Variants in ZDHHC5 observed in about 807,000 individuals in gnomAD.
ZDHHC5 encodes the protein palmitoyltransferase ZDHHC5.
A neutral mutation model predicts 70.0 loss-of-function variants in ZDHHC5; 22 were observed. The ratio of observed to expected loss-of-function variants is 0.31; its 90% confidence interval spans 0.22 to 0.45. The LOEUF (loss-of-function observed/expected upper bound fraction) is 0.45. ZDHHC5 is among the 20% of genes least tolerant of loss of function. ZDHHC5 has a pLI of 1.00. For missense variants in ZDHHC5, 746 were observed against 926.9 expected, an observed-to-expected ratio of 0.80 and a Z score of 2.53; for synonymous variants, 313 against 347.8, an observed-to-expected ratio of 0.90 and a Z score of 1.11.
intron 2 of ZDHHC5, among the ~76,000 whole-genome samples, chr11:57,677,899 A>G (rs899137049): frequency 6.6e-6 from 1 of 152,216 alleles, no homozygotes; most frequent in African/African-American, 2.4e-5. Context: ...CCCAGGTCCT[A>G]CGTCTCACAT....
In ZDHHC5 at chr11:57,699,172, A is replaced by G. The variant is rs766088842; in HGVS notation, c.1736A>G (p.His579Arg). The change falls in exon 11 of 12, where the codon CAT becomes CGT. Residue 579 changes from histidine to arginine, a missense_variant. Coordinates refer to ENST00000287169, the MANE Select transcript of ZDHHC5 (RefSeq NM_015457.3). ...SGIQSTPGSG[H>R]APRTSSSSDD... ...ATTCAGTCAACACCAGGCTCGGGCC[A>G]TGCCCCTCGTACTAGTTCCTCCTCA... 4 of 1,614,252 alleles carry G rather than the reference A, an allele frequency of 2.5e-6. No individual in the cohort carries two copies. The highest frequency in any genetic ancestry group is 2.2e-5 in the East Asian group (1 of 44,888).
At chr11:57,685,984 G>A (rs142868322) in intron 3 of ZDHHC5, among the ~76,000 whole-genome samples, 7 of 152,334 alleles carry the variant, frequency 4.6e-5, no homozygotes, top group South Asian at 4.1e-4. Context: ...CTGAGATTGC[G>A]CCACTGCACT....
chr11:57,669,796 T>G (rs1000218276), intron 1 of ZDHHC5, among the ~76,000 whole-genome samples: 1 of 152,260 alleles, frequency 6.6e-6, no homozygotes, highest in Non-Finnish European at 1.5e-5. Context: ...GATACTAGTA[T>G]GGATTCAAAC....
At chr11:57,670,605 G>A (rs531646342) in intron 1 of ZDHHC5, among the ~76,000 whole-genome samples, 69 of 152,176 alleles carry the variant, frequency 4.5e-4, no homozygotes, top group Non-Finnish European at 8.7e-4. Context: ...TTAAATCAGG[G>A]ACTAGAGAGG....
rs779516734 is a variant in ZDHHC5, at chr11:57,699,103, C to T, written c.1667C>T (p.Pro556Leu). 13 of 1,613,906 alleles carry T rather than the reference C, an allele frequency of 8.1e-6. No homozygotes were observed. Among genetic ancestry groups the T allele is most frequent in the Middle Eastern group, 1.7e-4 (1 of 6,060 alleles). Residue 556 changes from proline to leucine, a missense_variant, in exon 11 of 12, where the codon CCA becomes CTA. Around this residue, in one of 6 missense-constraint regions of ZDHHC5, gnomAD observed 340 missense variants for 350.1 expected, o/e 0.97. Coordinates refer to ENST00000287169, the MANE Select transcript of ZDHHC5 (RefSeq NM_015457.3). ...EREKLLRQSP[P>L]LPGREEEPGL... ...GAGAAGTTGCTGCGCCAGTCACCCC[C>T]ACTCCCGGGCCGTGAGGAAGAACCA...
chr11:57,673,248 G>A, intron 2 of ZDHHC5, 54 bp downstream of exon 2: 1 of 1,565,630 alleles, frequency 6.4e-7, no homozygotes, highest in African/African-American at 1.4e-5. Context: ...CATGGGAAGT[G>A]AGGAGATAAC....
intron 10 of ZDHHC5, among the ~76,000 whole-genome samples, chr11:57,697,379 C>T (rs570964406): frequency 6.6e-6 from 1 of 152,160 alleles, no homozygotes; most frequent in East Asian, 1.9e-4. Flanking sequence ...AGGAGAATGG[C>T]GTGAACCCAG....
At position 57,684,783 on chromosome 11, in the gene ZDHHC5, T is replaced by C. The variant is rs545143922; in HGVS notation, c.226+2240T>C. Among the ~76,000 whole-genome samples the C allele has an allele frequency of 5.9e-5, 9 of 152,266 alleles. No homozygotes were observed. The South Asian group carries it at 1.9e-3, about 32-fold the overall frequency. On this transcript the variant is annotated intron_variant, in intron 3 of 11. Coordinates refer to ENST00000287169, the MANE Select transcript of ZDHHC5 (RefSeq NM_015457.3). The stretch of plus-strand genomic sequence containing the variant: ...GATGACATGTAGTTTTCCTCTCAAA[T>C]GTGAGGTTATTTTGCAAGAGTGAGA...
chr11:57,670,444 T>C (rs1281209757), intron 1 of ZDHHC5, among the ~76,000 whole-genome samples: 1 of 150,842 alleles, frequency 6.6e-6, no homozygotes, highest in Non-Finnish European at 1.5e-5. Context: ...CACTTCAGCC[T>C]GGGTGACAGA....
intron 8 of ZDHHC5, among the ~76,000 whole-genome samples, chr11:57,694,279 A>C (rs1946322352): frequency 6.6e-6 from 1 of 152,128 alleles, no homozygotes; most frequent in Non-Finnish European, 1.5e-5. Context: ...AGCATGAGCC[A>C]CCACGCCTGG....
rs1021292459 is a variant in ZDHHC5 at position 57,668,176 on chromosome 11, C to G, written c.-1082C>G. 2.7e-6 allele frequency: 1 copy of G among 366,882 alleles called. No individual in the cohort carries two copies. Among genetic ancestry groups the G allele is most frequent in the Non-Finnish European group, 4.9e-6 (1 of 205,956 alleles). The allele number at this position is 366,882 out of a possible 1,614,324, so 22.7% of individuals were successfully genotyped here. A position where few individuals can be genotyped will look rare whatever the true frequency, so the allele number is the denominator to read the frequency against. ...ACAACGACGGCGGTGGTGACGGGCA[C>G]CGGGCTCGCGGGTGAGTGCGGAGGA... On this transcript the variant is annotated 5_prime_UTR_variant, in exon 1 of 12. Coordinates refer to ENST00000287169, the MANE Select transcript of ZDHHC5 (RefSeq NM_015457.3).
chr11:57,697,600 G>A (rs1394298124), intron 10 of ZDHHC5, among the ~76,000 whole-genome samples: 3 of 142,886 alleles, frequency 2.1e-5, no homozygotes, highest in Admixed American at 7.1e-5. Flanking sequence ...TCGAGATTGC[G>A]CCACTGCACT....
intron 4 of ZDHHC5, 83 bp downstream of exon 4, chr11:57,688,748 A>G: frequency 6.9e-7 from 1 of 1,454,194 alleles, no homozygotes; most frequent in Non-Finnish European, 9.1e-7. Flanking sequence ...TTAGCTTTGG[A>G]TGTGGTATAG....
At chr11:57,697,680 A>G (rs936839793) in intron 10 of ZDHHC5, among the ~76,000 whole-genome samples, 1 of 150,574 alleles carries the variant, frequency 6.6e-6, no homozygotes, top group Non-Finnish European at 1.5e-5. Context: ...AGTGGTATGC[A>G]TCTGTAGTCC....
chr11:57,699,936 C>T lies in ZDHHC5; in HGVS notation c.2053C>T (p.Pro685Ser), dbSNP rs754065745. ...GCCCAAGAGCTTAGGCTCAGCCTCC[C>T]CTGGCCCAGGCCAGCCACCTCTCAG... ...GQPKSLGSASPGPGQPPLSSP... is the reference protein window; with the variant it reads ...GQPKSLGSASSGPGQPPLSSP... Residue 685 changes from proline (P) to serine (S), a missense_variant, in exon 12 of 12, where the codon CCT becomes TCT. Physicochemically the swap from Pro to Ser is moderately conservative, Grantham distance 74 (BLOSUM62 -1). This residue lies in a region of ZDHHC5 where 340 missense variants were observed against 350.1 expected (regional missense o/e 0.97). Transcript: ENST00000287169. The T allele has an allele frequency of 3.7e-6, 6 of 1,614,246 alleles. No homozygotes were observed. In the East Asian group the frequency reaches 1.1e-4, roughly 30 times the overall value.
At chr11:57,693,598 C>G (rs1281880707) in intron 7 of ZDHHC5, among the ~76,000 whole-genome samples, 185 bp from the exon 8 acceptor site, 1 of 152,222 alleles carries the variant, frequency 6.6e-6, no homozygotes, top group East Asian at 1.9e-4. Flanking sequence ...CTCACAAAGG[C>G]CTAGTCCTGC....
chr11:57,698,638 G>A lies in ZDHHC5; in HGVS notation c.1202G>A (p.Ser401Asn), dbSNP rs754153794. 3 of 1,614,032 alleles carry A rather than the reference G, an allele frequency of 1.9e-6. No homozygotes were observed. In the African/African-American group the frequency reaches 4.0e-5, roughly 22 times the overall value. The stretch of plus-strand genomic sequence containing the variant: ...CACCCCAGCTACCGCTCAGAGCCCA[G>A]CTTGGAACCAGAGAGCTTCCGTTCT... ...SRHPSYRSEPSLEPESFRSPT... is the reference protein window; with the variant it reads ...SRHPSYRSEPNLEPESFRSPT... Residue 401 changes from serine (S) to asparagine (N), a missense_variant, in exon 11 of 12, where the codon AGC becomes AAC. Physicochemically the swap from Ser to Asn is conservative, Grantham distance 46. Coordinates refer to ENST00000287169, the MANE Select transcript of ZDHHC5 (RefSeq NM_015457.3).
rs550260532 is a variant in ZDHHC5 at position 57,673,978 on chromosome 11, A to G, written c.104+784A>G. Among the ~76,000 whole-genome samples the G allele has an allele frequency of 1.1e-4, 16 of 152,338 alleles. No individual in the cohort carries two copies. The South Asian group carries it at 3.3e-3, about 32-fold the overall frequency. On this transcript the variant is annotated intron_variant, in intron 2 of 11. Coordinates refer to ENST00000287169, the MANE Select transcript of ZDHHC5 (RefSeq NM_015457.3). ...TGGAAAATTTCAGAATTGATTTATA[A>G]GATACACCAATGAGAGAGTTTTGGC...
intron 2 of ZDHHC5, among the ~76,000 whole-genome samples, chr11:57,674,655 GAGGT>G (rs1946048506): frequency 6.6e-6 from 1 of 152,188 alleles, no homozygotes; most frequent in Admixed American, 6.5e-5. Context: ...AGTTAAATCT[GAGGT>G]AGGAGGGAAG....
Sources: allele counts gnomAD v4.1 joint callset (sites outside exome capture counted in the v4.1 genomes callset), GRCh38; gene constraint gnomAD v4.1.1; regional missense constraint gnomAD v4.1.1; transcripts MANE v1.5; gene names NCBI Gene and HGNC (gene_info 2026-07-23, HGNC 2026-07-21).